Variants in MLIP observed in about 807,000 individuals in gnomAD.
The protein encoded by MLIP is muscular LMNA interacting protein.
Under a neutral mutation model 84.8 loss-of-function variants are expected in MLIP, and 79 were observed. That is an observed-to-expected ratio of 0.93 (90% CI 0.78 to 1.12). The LOEUF is 1.12. Ranked by LOEUF, MLIP falls within the 50% of genes most tolerant of loss-of-function variation. The pLI, the probability that MLIP is intolerant of heterozygous loss-of-function variation, is 0.00. For missense variants in MLIP, 1,257 were observed against 1,160.6 expected (o/e 1.08, Z -1.21); for synonymous variants, 504 against 463.0 (o/e 1.09, Z -1.14).
intron 12 of MLIP, among the ~76,000 whole-genome samples, chr6:54,250,006 C>G (rs2150865135): frequency 6.6e-6 from 1 of 152,036 alleles, no homozygotes; most frequent in Non-Finnish European, 1.5e-5. Context: ...TCCATGTGCT[C>G]TCATCATTTA....
At chr6:54,030,448 G>A (rs1196627366) in intron 1 of MLIP, among the ~76,000 whole-genome samples, 2 of 152,244 alleles carry the variant, frequency 1.3e-5, no homozygotes, top group South Asian at 2.1e-4. Context: ...AAAGAATATA[G>A]GTAAGAAGAA....
chr6:54,022,300 T>C (rs536360844), intron 1 of MLIP, among the ~76,000 whole-genome samples: 2 of 152,354 alleles, frequency 1.3e-5, no homozygotes, highest in South Asian at 4.1e-4. Flanking sequence ...CAGTGTTTCC[T>C]AAACTCGCCT....
intron 10 of MLIP, among the ~76,000 whole-genome samples, chr6:54,197,095 A>T (rs2150699036): frequency 6.6e-6 from 1 of 152,150 alleles, no homozygotes; most frequent in Non-Finnish European, 1.5e-5. Context: ...ACTAGGAAAT[A>T]AGATTGGAAA....
At chr6:54,095,687 G>A (rs1211818923) in intron 1 of MLIP, among the ~76,000 whole-genome samples, 1 of 152,158 alleles carries the variant, frequency 6.6e-6, no homozygotes, top group Non-Finnish European at 1.5e-5. Flanking sequence ...TTATTTATGA[G>A]ATCTGTAGAG....
chr6:54,075,455 AC>A (rs1450649991), intron 1 of MLIP, among the ~76,000 whole-genome samples: 1 of 152,126 alleles, frequency 6.6e-6, no homozygotes, highest in Non-Finnish European at 1.5e-5. Flanking sequence ...CTTCAAGGCA[AC>A]TTTTAATTAT....
intron 1 of MLIP, among the ~76,000 whole-genome samples, chr6:54,098,136 G>A (rs1768347434): frequency 7.2e-6 from 1 of 138,078 alleles, no homozygotes; most frequent in Admixed American, 7.7e-5. Flanking sequence ...TAAGTCTTGG[G>A]GATTTTTCTT....
intron 12 of MLIP, among the ~76,000 whole-genome samples, chr6:54,248,164 A>C (rs891510319): frequency 2.0e-5 from 3 of 152,258 alleles, no homozygotes; most frequent in Admixed American, 2.0e-4. Context: ...TAATCTATAG[A>C]AGATAAAAAA....
At chr6:54,090,948 G>T (rs1767830396) in intron 1 of MLIP, among the ~76,000 whole-genome samples, 1 of 152,072 alleles carries the variant, frequency 6.6e-6, no homozygotes, top group South Asian at 2.1e-4. Context: ...GTTTTTATGG[G>T]GGCTATACTG....
At chr6:54,133,970 CA>C (rs916284137) in intron 3 of MLIP, among the ~76,000 whole-genome samples, 1 of 151,818 alleles carries the variant, frequency 6.6e-6, no homozygotes, top group Admixed American at 6.6e-5. Flanking sequence ...GCAAAGGAAT[CA>C]ATAAAGATGA....
At chr6:54,223,083 T>C (rs571216930) in intron 11 of MLIP, among the ~76,000 whole-genome samples, 22 of 152,164 alleles carry the variant, frequency 1.4e-4, no homozygotes, top group Non-Finnish European at 2.8e-4. Context: ...ATTTGTGCTT[T>C]TTTGGTATTG....
At chr6:54,252,804 C>G (rs1472518208) in intron 12 of MLIP, among the ~76,000 whole-genome samples, 1 of 151,860 alleles carries the variant, frequency 6.6e-6, no homozygotes, top group Non-Finnish European at 1.5e-5. Context: ...GACTTAAACA[C>G]TGACAATTAA....
At chr6:54,169,645 A>G in intron 9 of MLIP, 73 bp downstream of exon 9, 1 of 905,916 alleles carries the variant, frequency 1.1e-6, no homozygotes, top group East Asian at 2.9e-5. Flanking sequence ...GAACACTATT[A>G]TACAGTAATT....
intron 1 of MLIP, chr6:54,045,389 A>C (rs542108839): frequency 1.3e-5 from 2 of 152,032 alleles, no homozygotes; most frequent in South Asian, 2.1e-4. Context: ...TGCACCATGC[A>C]TGATCAAATT....
chr6:54,088,862 A>G (rs561218296), intron 1 of MLIP, among the ~76,000 whole-genome samples: 26 of 152,324 alleles, frequency 1.7e-4, no homozygotes, highest in African/African-American at 5.8e-4. Context: ...ATTAATAGAT[A>G]TTCTTATAGT....
At chr6:54,061,646 G>A (rs114531038) in intron 1 of MLIP, among the ~76,000 whole-genome samples, 1,859 of 152,288 alleles carry the variant, frequency 0.012, 27 homozygotes, top group East Asian at 0.075. Context: ...GAGACCATTT[G>A]TGTATTAAAC....
intron 5 of MLIP, among the ~76,000 whole-genome samples, chr6:54,158,073 G>C (rs141315836): frequency 2.0e-5 from 3 of 152,000 alleles, no homozygotes; most frequent in Non-Finnish European, 4.4e-5. Context: ...ATGCCAAAAT[G>C]GCAGTTCTAG....
Position 54,111,548 on chromosome 6 carries a change from A to C in MLIP, c.69A>C (p.Leu23Phe). Residue 23 changes from leucine (L) to phenylalanine (F), a missense_variant, in exon 1 of 14, where the codon TTA becomes TTC. Transcript: ENST00000502396. ...ACTTCCAAATGACCTCGTGCATCTT[A>C]TCAGGGAGCATTCAGACCACACCCC... is the stretch of plus-strand genomic sequence containing the variant. Reference protein sequence around the residue: ...NNYFQMTSCILSGSIQTTPQV... With the variant: ...NNYFQMTSCIFSGSIQTTPQV... 4 of 1,536,064 alleles carry C rather than the reference A, an allele frequency of 2.6e-6. No individual in the cohort carries two copies. The highest frequency in any genetic ancestry group is 3.5e-6 in the Non-Finnish European group (4 of 1,146,868).
At chr6:54,028,150 G>A (rs759972746) in intron 1 of MLIP, among the ~76,000 whole-genome samples, 1 of 152,170 alleles carries the variant, frequency 6.6e-6, no homozygotes, top group Non-Finnish European at 1.5e-5. Context: ...GTTAGAGGAT[G>A]TTTGTAGTTC....
intron 9 of MLIP, among the ~76,000 whole-genome samples, chr6:54,186,323 T>C (rs1353711776): frequency 6.6e-6 from 1 of 152,228 alleles, no homozygotes; most frequent in Non-Finnish European, 1.5e-5. Flanking sequence ...TAATTATTCA[T>C]CTGTATGCTG....
Sources: gnomAD v4.1 joint callset for allele counts (sites outside exome capture counted in the v4.1 genomes callset) on GRCh38, gnomAD v4.1.1 for gene constraint, MANE v1.5 for transcripts, NCBI Gene and HGNC (gene_info 2026-07-23, HGNC 2026-07-21) for gene names.